Variants in PARP4 observed in about 807,000 individuals in gnomAD.
The protein encoded by PARP4 is poly(ADP-ribose) polymerase family member 4, also known as protein mono-ADP-ribosyltransferase PARP4.
Under a neutral mutation model 187.7 loss-of-function variants are expected in PARP4, and 120 were observed. That is an observed-to-expected ratio of 0.64 (90% CI 0.55 to 0.74). The LOEUF is 0.74. PARP4 is among the 30% of genes least tolerant of loss of function. The pLI is 0.00. For synonymous variants in PARP4, 654 were observed against 740.9 expected (o/e 0.88, Z 1.90); for missense variants, 1,836 against 2,070.5 (o/e 0.89, Z 2.20).
chr13:24,435,195 A>G lies in PARP4; in HGVS notation c.3946T>C (p.Phe1316Leu). The change falls in exon 31 of 34, where the codon TTT (phenylalanine) becomes CTT (leucine). Residue 1316 changes from phenylalanine to leucine, a missense_variant. Transcript: ENST00000381989. ...SPWETSTSSF[F>L]PILAPAVGSY... ...CCAACGGCCGGAGCCAAAATAGGAA[A>G]AAAGCTAGAAGTAGATGTTTCCCAT... The G allele has an allele frequency of 6.2e-7, 1 of 1,614,216 alleles. No individual in the cohort carries two copies. Among genetic ancestry groups the G allele is most frequent in the Non-Finnish European group, 8.5e-7 (1 of 1,180,040 alleles).
intron 33 of PARP4, among the ~76,000 whole-genome samples, chr13:24,425,653 G>C (rs944395470): frequency 4.6e-5 from 7 of 151,340 alleles, no homozygotes; most frequent in African/African-American, 1.7e-4. Context: ...TCTTGCCATG[G>C]GGTGGGGGGT....
intron 30 of PARP4, among the ~76,000 whole-genome samples, chr13:24,439,174 TA>T (rs1276733509): frequency 6.6e-6 from 1 of 151,954 alleles, no homozygotes; most frequent in African/African-American, 2.4e-5. Context: ...AAAATTTCTA[TA>T]AACAGGCCAG....
intron 6 of PARP4, 50 bp downstream of exon 6, chr13:24,498,066 T>C: frequency 7.7e-7 from 1 of 1,298,550 alleles, no homozygotes; most frequent in Non-Finnish European, 1.1e-6. Context: ...TTGAAATGAG[T>C]TATGAACAGA....
chr13:24,457,354 T>C (rs1198445523), intron 20 of PARP4, among the ~76,000 whole-genome samples: 1 of 152,124 alleles, frequency 6.6e-6, no homozygotes, highest in Non-Finnish European at 1.5e-5. Context: ...CAGCTATATT[T>C]CCACCCTTGA....
intron 11 of PARP4, 129 bp downstream of exon 11, chr13:24,486,039 A>G: frequency 1.4e-6 from 1 of 730,464 alleles, no homozygotes. Context: ...TTTTCTCCAG[A>G]ATGCAGTAAG....
intron 1 of PARP4, among the ~76,000 whole-genome samples, chr13:24,504,981 C>T (rs1226765786): frequency 6.6e-6 from 1 of 150,662 alleles, no homozygotes; most frequent in Non-Finnish European, 1.5e-5. Context: ...AGGCATGAGC[C>T]ACCGCACCTG....
chr13:24,457,770 CAAAAAAAAAAAAAAA>C (rs33930012), intron 20 of PARP4, among the ~76,000 whole-genome samples: 6 of 85,654 alleles, frequency 7.0e-5, no homozygotes, highest in Non-Finnish European at 6.6e-5. Context: ...GACTCTGTCT[CAAAAAAAAAAAAAAA>C]AAAAAAAAAA....
At chr13:24,455,938 A>T (rs1414460636) in intron 21 of PARP4, among the ~76,000 whole-genome samples, 1 of 152,000 alleles carries the variant, frequency 6.6e-6, no homozygotes, top group Non-Finnish European at 1.5e-5. Context: ...TTCTATTTTT[A>T]TTTTAACTTA....
intron 27 of PARP4, among the ~76,000 whole-genome samples, chr13:24,446,457 T>C (rs1418985729): frequency 2.0e-5 from 3 of 152,170 alleles, no homozygotes; most frequent in East Asian, 1.9e-4. Context: ...CTGTCTTGTG[T>C]GACACATAAA....
intron 1 of PARP4, among the ~76,000 whole-genome samples, chr13:24,509,744 G>A (rs765931390): frequency 3.9e-4 from 59 of 151,788 alleles, no homozygotes; most frequent in Non-Finnish European, 3.1e-4. Flanking sequence ...CTGTCACCCA[G>A]GCTGGAGTGC....
chr13:24,493,569 TTC>T (rs1385651503), intron 8 of PARP4, 25 bp downstream of exon 8: 4 of 1,588,512 alleles, frequency 2.5e-6, no homozygotes, highest in Middle Eastern at 1.7e-4. Context: ...ATTTTTCACA[TTC>T]TGTTTCAGCG....
intron 17 of PARP4, 70 bp downstream of exon 17, chr13:24,468,954 C>T (rs1365581104): frequency 6.4e-6 from 7 of 1,097,468 alleles, no homozygotes; most frequent in African/African-American, 3.1e-5. Context: ...GCATGAAATT[C>T]GTATTTCATA....
intron 32 of PARP4, among the ~76,000 whole-genome samples, chr13:24,428,572 C>T (rs1214036679): frequency 1.3e-5 from 2 of 152,160 alleles, no homozygotes; most frequent in African/African-American, 4.8e-5. Context: ...CCTCAACATC[C>T]CAGGGCTCAG....
At position 24,492,426 on chromosome 13, in the gene PARP4, A is replaced by G; in HGVS notation, c.1048T>C (p.Cys350Arg). 1 of 1,611,034 alleles carries G rather than the reference A, an allele frequency of 6.2e-7. No individual in the cohort carries two copies. Among genetic ancestry groups the G allele is most frequent in the Non-Finnish European group, 8.5e-7 (1 of 1,178,240 alleles). Reference sequence around the variant, plus strand: ...TCTATATTTCAGAGGTTTACCTGGCAGAGGTCTGCTTTCTTAGCCAATAGT... The same window carrying G: ...TCTATATTTCAGAGGTTTACCTGGCGGAGGTCTGCTTTCTTAGCCAATAGT... ...LGLLAKKADL[C>R]QLIRDMVNVC... is the part of the protein sequence containing the mutation. Residue 350 changes from cysteine to arginine, a missense_variant, in exon 9 of 34, where the codon TGC becomes CGC. By Grantham distance (180) the Cys-to-Arg change is radical (BLOSUM62 -3). This residue lies in a region of PARP4 where 1,147 missense variants were observed against 1,214.2 expected (regional missense o/e 0.94). Coordinates refer to ENST00000381989, the MANE Select transcript of PARP4 (RefSeq NM_006437.4).
At chr13:24,491,053 T>TAC (rs1868614802) in intron 9 of PARP4, among the ~76,000 whole-genome samples, 1 of 152,056 alleles carries the variant, frequency 6.6e-6, no homozygotes, top group African/African-American at 2.4e-5. Context: ...TAGATCCTCC[T>TAC]ACCTTAGCCT....
In PARP4 at chr13:24,492,402, C is replaced by A; in HGVS notation, c.1053+19G>T. 7.0e-6 allele frequency: 11 copies of A among 1,575,600 alleles called. No individual in the cohort carries two copies. The highest frequency in any genetic ancestry group is 9.5e-6 in the Non-Finnish European group (11 of 1,154,012). On this transcript the variant is annotated intron_variant, in intron 9 of 33. Transcript: ENST00000381989. ...AACATATTTTATAATAAATAGAATT[C>A]TATATTTCAGAGGTTTACCTGGCAG...
chr13:24,447,219 A>G, intron 25 of PARP4, 33 bp from the exon 26 acceptor site: 1 of 1,519,162 alleles, frequency 6.6e-7, no homozygotes, highest in Admixed American at 2.1e-5. Flanking sequence ...TTCTCTTTCA[A>G]TGCTCCATCC....
chr13:24,448,922 T>C (rs530736421), intron 25 of PARP4, among the ~76,000 whole-genome samples: 4 of 152,260 alleles, frequency 2.6e-5, no homozygotes, highest in African/African-American at 7.2e-5. Flanking sequence ...AAAGGCAAAG[T>C]CATAAAGACA....
At chr13:24,432,775 A>AC (rs2137438467) in intron 31 of PARP4, among the ~76,000 whole-genome samples, 1 of 151,602 alleles carries the variant, frequency 6.6e-6, no homozygotes, top group Middle Eastern at 3.4e-3. Context: ...CCTTCCCTGC[A>AC]TCCCCCATCA....
Sources: allele counts gnomAD v4.1 joint callset (sites outside exome capture counted in the v4.1 genomes callset), GRCh38; gene constraint gnomAD v4.1.1; regional missense constraint gnomAD v4.1.1; transcripts MANE v1.5; gene names NCBI Gene and HGNC (gene_info 2026-07-23, HGNC 2026-07-21).